SP140: variants seen among roughly 807,000 people sequenced by gnomAD.
The protein encoded by SP140 is nuclear body protein SP140.
A neutral mutation model predicts 125.0 loss-of-function variants in SP140; 81 were observed. The observed-to-expected ratio is 0.65, with a 90% CI of 0.54 to 0.78. SP140 has a LOEUF of 0.78. Ranked by LOEUF, SP140 falls within the 30% of genes least tolerant of loss-of-function variation. The pLI is 0.00. For missense variants in SP140, 858 were observed against 1,037.0 expected (o/e 0.83, Z 2.37); for synonymous variants, 312 against 354.0 (o/e 0.88, Z 1.33).
intron 19 of SP140, 46 bp from the exon 20 acceptor site, chr2:230,292,600 G>T: frequency 1.2e-6 from 2 of 1,612,592 alleles, no homozygotes; most frequent in South Asian, 1.1e-5. Context: ...TAGTCTGTGC[G>T]CTGGGAAAAA....
intron 14 of SP140, 43 bp downstream of exon 14, chr2:230,269,996 G>T (rs761096599): frequency 3.8e-5 from 50 of 1,315,856 alleles, no homozygotes; most frequent in Non-Finnish European, 5.3e-5. Flanking sequence ...GGCTCAGTGG[G>T]CCCCACAGAC....
upstream of SP140, among the ~76,000 whole-genome samples, chr2:230,223,132 G>A (rs1276039297): frequency 6.6e-6 from 1 of 151,802 alleles, no homozygotes; most frequent in Non-Finnish European, 1.5e-5. Flanking sequence ...CGCCTCCCAG[G>A]TTCAAGTGAT....
chr2:230,215,163 A>G (rs1376808935), intron 3 of SP140: 1 of 1,456,282 alleles, frequency 6.9e-7, no homozygotes, highest in Non-Finnish European at 9.6e-7. Flanking sequence ...TATAAAATTG[A>G]ATGGGAAGTT....
intron 12 of SP140, among the ~76,000 whole-genome samples, chr2:230,266,298 G>A (rs2053115640): frequency 6.6e-6 from 1 of 152,172 alleles, no homozygotes; most frequent in Non-Finnish European, 1.5e-5. Context: ...TTTTTCCTTA[G>A]AAGTTTTATG....
intron 3 of SP140, chr2:230,214,897 C>A: frequency 6.6e-7 from 1 of 1,507,690 alleles, no homozygotes; most frequent in Non-Finnish European, 9.2e-7. Flanking sequence ...TAAACCCAGA[C>A]TTTTACCATA....
intron 12 of SP140, among the ~76,000 whole-genome samples, chr2:230,263,673 G>A (rs1007917632): frequency 1.5e-4 from 23 of 152,122 alleles, no homozygotes; most frequent in Non-Finnish European, 2.9e-4. Flanking sequence ...TGGTAATGGC[G>A]AATTCTCTCA....
chr2:230,293,798 C>T (rs1336717960), intron 20 of SP140, among the ~76,000 whole-genome samples: 1 of 152,166 alleles, frequency 6.6e-6, no homozygotes, highest in Non-Finnish European at 1.5e-5. Context: ...TCTACTAAGG[C>T]CTTTCATTCA....
chr2:230,220,205 G>A, intron 3 of SP140: 1 of 344,962 alleles, frequency 2.9e-6, no homozygotes, highest in Non-Finnish European at 4.1e-6. Flanking sequence ...GGGAGGAGGA[G>A]GCATAAGGGT....
upstream of SP140, chr2:230,202,923 C>T (rs2148862862): frequency 1.6e-6 from 1 of 612,196 alleles, no homozygotes; most frequent in Admixed American, 2.8e-5. Flanking sequence ...CTTTGCCTCC[C>T]CAAATTACCA....
intron 12 of SP140, among the ~76,000 whole-genome samples, chr2:230,268,877 A>G (rs1247713910): frequency 1.3e-5 from 2 of 152,190 alleles, no homozygotes; most frequent in Non-Finnish European, 2.9e-5. Context: ...AGGAACTCCA[A>G]TTTTTGAAGG....
intron 17 of SP140, among the ~76,000 whole-genome samples, chr2:230,287,272 C>G (rs2149455196): frequency 6.6e-6 from 1 of 152,284 alleles, no homozygotes; most frequent in East Asian, 1.9e-4. Flanking sequence ...GCCCTGGTCA[C>G]ATTTACTATT....
chr2:230,293,526 G>A (rs1473598963), intron 20 of SP140, among the ~76,000 whole-genome samples: 2 of 152,058 alleles, frequency 1.3e-5, no homozygotes, highest in East Asian at 3.9e-4. Flanking sequence ...TAGTAGAAAT[G>A]GGGTTTTGTC....
upstream of SP140, among the ~76,000 whole-genome samples, chr2:230,198,411 G>A (rs1474913703): frequency 6.6e-6 from 1 of 152,134 alleles, no homozygotes; most frequent in Non-Finnish European, 1.5e-5. Context: ...CAGTCATAAT[G>A]CCCACCATAA....
At chr2:230,253,527 A>G in intron 11 of SP140, 110 bp downstream of exon 11, 5 of 755,274 alleles carry the variant, frequency 6.6e-6, no homozygotes, top group South Asian at 3.3e-5. Context: ...TCACATTCGC[A>G]TACATACAGA....
chr2:230,247,382 C>T (rs2049620564), intron 7 of SP140, among the ~76,000 whole-genome samples: 2 of 152,242 alleles, frequency 1.3e-5, no homozygotes, highest in South Asian at 4.1e-4. Context: ...AGGAGCCACT[C>T]ATGACTCACC....
rs542754267 is a variant in SP140, at chr2:230,244,739, A to G, written c.572-249A>G. 4.6e-5 allele frequency among the ~76,000 whole-genome samples: 7 copies of G among 152,278 alleles called. No homozygotes were observed. In the East Asian group the frequency reaches 1.4e-3, roughly 29 times the overall value. On this transcript the variant is annotated intron_variant, in intron 5 of 26. Transcript: ENST00000392045. ...GAGAGGGAATCCCAGGGAGTCAAGG[A>G]GATGGACGGTGCTTCATGGCGTAGA...
At chr2:230,226,298 G>A (rs753467753) in intron 1 of SP140, among the ~76,000 whole-genome samples, 6 of 152,204 alleles carry the variant, frequency 3.9e-5, no homozygotes, top group South Asian at 4.1e-4. Flanking sequence ...AAATCCAAAC[G>A]CCTGTCTGTT....
chr2:230,259,726 A>G (rs1215942844), intron 12 of SP140, among the ~76,000 whole-genome samples: 2 of 142,650 alleles, frequency 1.4e-5, no homozygotes, highest in East Asian at 3.9e-4. Context: ...AGGTCACTGC[A>G]AATGCTGTTA....
chr2:230,207,710 G>A (rs2044023104), intron 1 of SP140, among the ~76,000 whole-genome samples: 1 of 151,872 alleles, frequency 6.6e-6, no homozygotes, highest in South Asian at 2.1e-4. Context: ...TCTTGAATTG[G>A]CACTCTTCTC....
Sources: gnomAD v4.1 joint callset for allele counts (sites outside exome capture counted in the v4.1 genomes callset) on GRCh38, gnomAD v4.1.1 for gene constraint, MANE v1.5 for transcripts, NCBI Gene and HGNC (gene_info 2026-07-23, HGNC 2026-07-21) for gene names.